The following PLEKHA1 variants were observed in gnomAD, a reference collection of about 807,000 sequenced individuals.
PLEKHA1 encodes pleckstrin homology domain containing A1, also known as pleckstrin homology domain-containing family A member 1.
In PLEKHA1, 34 loss-of-function variants were observed where a neutral mutation model predicts 52.0. That is an observed-to-expected ratio of 0.65 (90% CI 0.50 to 0.87). The LOEUF (loss-of-function observed/expected upper bound fraction) is 0.87, where lower values mean the gene tolerates loss of function less well. Ranked by LOEUF, PLEKHA1 falls within the 40% of genes least tolerant of loss-of-function variation. The pLI is 0.00. For synonymous variants in PLEKHA1, 163 were observed against 170.7 expected, an observed-to-expected ratio of 0.95 and a Z score of 0.35; for missense variants, 497 against 504.2, an observed-to-expected ratio of 0.99 and a Z score of 0.14.
intron 1 of PLEKHA1, among the ~76,000 whole-genome samples, chr10:122,391,762 A>G (rs919077935): frequency 3.3e-5 from 5 of 152,062 alleles, no homozygotes; most frequent in South Asian, 2.1e-4. Flanking sequence ...CAAACATGGT[A>G]AATTTATTAA....
chr10:122,416,888 C>T (rs80008349), intron 7 of PLEKHA1: 2,069 of 154,188 alleles, frequency 0.013, 37 homozygotes, highest in African/African-American at 0.047. Flanking sequence ...AATGTCCTTT[C>T]ACCTGTTTGA....
rs142262758 is a variant in PLEKHA1 at position 122,397,529 on chromosome 10, C to T, written c.142-389C>T. 1.7e-3 allele frequency among the ~76,000 whole-genome samples: 261 copies of T among 152,194 alleles called. 1 individual carries two copies. The East Asian group carries it at 0.02, about 12-fold the overall frequency. On this transcript the variant is annotated intron_variant, in intron 2 of 11. Coordinates refer to ENST00000368990, the MANE Select transcript of PLEKHA1 (RefSeq NM_001001974.4). ...ACTTGATAAAGAAATTTTAATAGAA[C>T]AAAGTAATATGTATAGTCTTTTTAA...
intron 7 of PLEKHA1, 90 bp from the exon 8 acceptor site, chr10:122,417,810 A>T: frequency 1.1e-6 from 1 of 924,018 alleles, no homozygotes. Context: ...GGCATGTCTG[A>T]TTGTGGGTTC....
At chr10:122,406,752 T>TACTTA in intron 5 of PLEKHA1, 79 bp downstream of exon 5, 1 of 1,059,976 alleles carries the variant, frequency 9.4e-7, no homozygotes. Context: ...CTACCAAATG[T>TACTTA]TCCCAGCTTA....
chr10:122,385,239 T>C (rs1302324478), intron 1 of PLEKHA1, among the ~76,000 whole-genome samples: 2 of 150,370 alleles, frequency 1.3e-5, no homozygotes, highest in East Asian at 3.9e-4. Context: ...TATAAATAAA[T>C]AACACTAAAA....
At chr10:122,439,931 A>G in the PLEKHA1 span, 6 of 152,212 alleles carry the variant, frequency 3.9e-5, no homozygotes, top group East Asian at 1.9e-4. Context: ...ATAGAAAATT[A>G]TACATTTTAT....
chr10:122,425,777 A>G (rs1028760579), intron 10 of PLEKHA1: 1 of 151,670 alleles, frequency 6.6e-6, no homozygotes, highest in Non-Finnish European at 1.5e-5. Context: ...GAAGTTAAAT[A>G]TGCTTATTCC....
chr10:122,418,067 A>G (rs1190050895), intron 8 of PLEKHA1, 99 bp downstream of exon 8: 7 of 883,988 alleles, frequency 7.9e-6, no homozygotes, highest in East Asian at 2.7e-5. Flanking sequence ...TAGTTTCAGA[A>G]TAAGTCTAGT....
intron 1 of PLEKHA1, chr10:122,388,125 CAA>C (rs1218154944): frequency 6.6e-6 from 1 of 152,166 alleles, no homozygotes; most frequent in Non-Finnish European, 1.5e-5. Flanking sequence ...TATCTACTGT[CAA>C]AACATTTTCA....
intron 3 of PLEKHA1, among the ~76,000 whole-genome samples, chr10:122,399,120 G>A (rs1259455610): frequency 1.3e-5 from 2 of 151,874 alleles, no homozygotes; most frequent in East Asian, 3.9e-4. Context: ...TTTAAATTGT[G>A]CAGTTTGTAC....
intron 5 of PLEKHA1, among the ~76,000 whole-genome samples, chr10:122,407,650 T>C (rs2097040886): frequency 6.6e-6 from 1 of 152,198 alleles, no homozygotes; most frequent in Admixed American, 6.5e-5. Context: ...GATTATACCT[T>C]GCCTCACCTT....
At chr10:122,424,171 G>GTTTTTTTTTTTTT in intron 8 of PLEKHA1, 28 bp from the exon 9 acceptor site, 1 of 953,376 alleles carries the variant, frequency 1.0e-6, no homozygotes. Context: ...TCATGTAACT[G>GTTTTTTTTTTTTT]TTTTTTTTTT....
chr10:122,376,578 C>G (rs1364841062), intron 1 of PLEKHA1, among the ~76,000 whole-genome samples: 3 of 151,090 alleles, frequency 2.0e-5, no homozygotes, highest in Non-Finnish European at 2.9e-5. Flanking sequence ...GCGCGCAGAG[C>G]TTCCAATCTT....
downstream of PLEKHA1, chr10:122,436,329 G>A (rs2097437425): frequency 6.6e-6 from 1 of 152,120 alleles, no homozygotes; most frequent in Admixed American, 6.5e-5. Context: ...TAACATTTGA[G>A]AATCAATCAT....
intron 5 of PLEKHA1, among the ~76,000 whole-genome samples, chr10:122,410,651 T>A (rs542072290): frequency 6.6e-6 from 1 of 152,336 alleles, no homozygotes; most frequent in Admixed American, 6.5e-5. Context: ...CTACTAGCAT[T>A]TGATTTTATT....
intron 1 of PLEKHA1, among the ~76,000 whole-genome samples, chr10:122,383,036 G>T (rs986450126): frequency 1.3e-5 from 2 of 152,174 alleles, no homozygotes; most frequent in African/African-American, 2.4e-5. Flanking sequence ...TCAGTATAGT[G>T]TGTTGTCAAA....
intron 1 of PLEKHA1, among the ~76,000 whole-genome samples, chr10:122,377,294 A>G (rs1175084474): frequency 2.0e-5 from 3 of 152,166 alleles, no homozygotes; most frequent in African/African-American, 7.2e-5. Flanking sequence ...GCCTTAAAGT[A>G]TTTCCTATTT....
At chr10:122,414,054 G>A (rs1342665657) in intron 6 of PLEKHA1, among the ~76,000 whole-genome samples, 2 of 152,022 alleles carry the variant, frequency 1.3e-5, no homozygotes, top group African/African-American at 2.4e-5. Context: ...ATTCCCTGCT[G>A]TCATAGAGCA....
At chr10:122,388,569 A>G (rs903169989) in intron 1 of PLEKHA1, among the ~76,000 whole-genome samples, 7 of 152,248 alleles carry the variant, frequency 4.6e-5, no homozygotes, top group Non-Finnish European at 1.5e-5. Flanking sequence ...AGAATGAATC[A>G]CACTAATTTT....
Sources: allele counts gnomAD v4.1 joint callset (sites outside exome capture counted in the v4.1 genomes callset), GRCh38; gene constraint gnomAD v4.1.1; transcripts MANE v1.5; gene names NCBI Gene and HGNC (gene_info 2026-07-23, HGNC 2026-07-21).